Variants in FBXO31 observed in about 807,000 individuals in gnomAD.
The protein encoded by FBXO31 is F-box only protein 31.
FBXO31 carries 24 observed loss-of-function variants against 54.4 expected under a neutral mutation model. That is an observed-to-expected ratio of 0.44 (90% confidence interval 0.32 to 0.62). The LOEUF is 0.62. FBXO31 is among the 20% of genes least tolerant of loss of function. The pLI, the probability that FBXO31 is intolerant of heterozygous loss-of-function variation, is 0.05. For missense variants in FBXO31, 665 were observed against 787.1 expected (o/e 0.84, Z 1.86); for synonymous variants, 388 against 335.6 (o/e 1.16, Z -1.71).
chr16:87,356,300 T>C (rs1905889332), intron 2 of FBXO31, among the ~76,000 whole-genome samples: 1 of 151,514 alleles, frequency 6.6e-6, no homozygotes, highest in African/African-American at 2.4e-5. Flanking sequence ...AAGGAGAGAC[T>C]GTTGTCAACG....
chr16:87,349,535 C>G (rs985556565), intron 2 of FBXO31, among the ~76,000 whole-genome samples: 1 of 152,158 alleles, frequency 6.6e-6, no homozygotes, highest in African/African-American at 2.4e-5. Flanking sequence ...CATGGTGAAA[C>G]CCCGTCTCTA....
rs1905029591 is a variant in FBXO31, at chr16:87,335,779, G to A, written c.843-322C>T. On this transcript the variant is annotated intron_variant, in intron 6 of 8. Transcript: ENST00000311635. This position sits in a 1 kb window ranked among gnomAD's most constrained non-coding sequence, Gnocchi z 5.7. ...GAAAGGAGCCCAAGTCACCATGGAG[G>A]GGATCCCCGCACTGGGCTGAGCGGG... 6.6e-6 allele frequency among the ~76,000 whole-genome samples: 1 copy of A among 152,144 alleles called. No homozygotes were observed. Among genetic ancestry groups the A allele is most frequent in the African/African-American group, 2.4e-5 (1 of 41,428 alleles).
upstream of FBXO31, among the ~76,000 whole-genome samples, chr16:87,384,547 G>C (rs1907258631): frequency 6.6e-6 from 1 of 152,320 alleles, no homozygotes; most frequent in East Asian, 1.9e-4. Flanking sequence ...GGGCTCCGCC[G>C]AGGCCGCTGA....
rs561584088 is a variant in FBXO31, at chr16:87,347,118, C to T, written c.489+56G>A. 4.5e-5 allele frequency: 67 copies of T among 1,495,264 alleles called. 1 individual carries two copies. In the South Asian group the frequency reaches 5.8e-4, roughly 13 times the overall value. The allele number at this position is 1,495,264 out of a possible 1,614,324, so 92.6% of individuals were successfully genotyped here. ...TAGAAGAGGCCCTCAAATTCCTCCA[C>T]GTAAGGCACCACTCCTGCCCGTGCA... On this transcript the variant is annotated intron_variant, in intron 3 of 8. Transcript: ENST00000311635.
chr16:87,369,968 T>C (rs1194514646), intron 1 of FBXO31, among the ~76,000 whole-genome samples: 3 of 152,222 alleles, frequency 2.0e-5, no homozygotes, highest in Admixed American at 6.5e-5. Context: ...AGCTGTGCCC[T>C]TTCATGACTC....
intron 1 of FBXO31, among the ~76,000 whole-genome samples, chr16:87,372,616 A>G (rs1351319023): frequency 6.6e-6 from 1 of 152,080 alleles, no homozygotes; most frequent in East Asian, 1.9e-4. Flanking sequence ...GCTGGAGTGC[A>G]GTGGTAAGAT....
At position 87,363,989 on chromosome 16, in the gene FBXO31, G is replaced by C. The variant is rs529236539; in HGVS notation, c.341-3623C>G. Among the ~76,000 whole-genome samples the C allele has an allele frequency of 3.9e-5, 6 of 152,346 alleles. No individual in the cohort carries two copies. In the South Asian group the frequency reaches 6.2e-4, roughly 16 times the overall value. ...AAATGGGAGGGGGAAGGGGAAAGAC[G>C]CTGATGCAGAGCAAGGACGGGGAGG... On this transcript the variant is annotated intron_variant, in intron 1 of 8. Coordinates refer to ENST00000311635, the MANE Select transcript of FBXO31 (RefSeq NM_024735.5).
At chr16:87,372,252 T>G (rs1056085400) in intron 1 of FBXO31, among the ~76,000 whole-genome samples, 1 of 152,272 alleles carries the variant, frequency 6.6e-6, no homozygotes, top group Non-Finnish European at 1.5e-5. Flanking sequence ...CCATTTTCCT[T>G]TATTCTCCTT....
At chr16:87,384,043 T>C (rs1035827697), upstream of FBXO31, 1 of 180,362 alleles carries the variant, frequency 5.5e-6, no homozygotes. Context: ...AGGCTCGAAC[T>C]CACGACCTTC....
chr16:87,352,115 T>G (rs1905688785), intron 2 of FBXO31, among the ~76,000 whole-genome samples: 1 of 152,182 alleles, frequency 6.6e-6, no homozygotes, highest in African/African-American at 2.4e-5. Flanking sequence ...CTCAGTGCAA[T>G]TTAATCATTC....
chr16:87,343,275 A>C (rs1406133033), intron 4 of FBXO31, among the ~76,000 whole-genome samples: 5 of 152,270 alleles, frequency 3.3e-5, no homozygotes, highest in Admixed American at 3.3e-4. Flanking sequence ...CCACTGCCAG[A>C]CCAGATCAGA....
At chr16:87,366,523 C>T (rs1435699056) in intron 1 of FBXO31, among the ~76,000 whole-genome samples, 2 of 152,102 alleles carry the variant, frequency 1.3e-5, no homozygotes, top group Admixed American at 1.3e-4. Flanking sequence ...CCTGAGCACT[C>T]CAGGTGTGGC....
At chr16:87,357,804 A>G (rs958991457) in intron 2 of FBXO31, among the ~76,000 whole-genome samples, 7 of 152,042 alleles carry the variant, frequency 4.6e-5, no homozygotes, top group African/African-American at 1.4e-4. Context: ...ATGGTGGTGT[A>G]TGCCTGTAAT....
rs765795854 is a variant in FBXO31, at chr16:87,342,839, C to T, written c.732+38G>A. On this transcript the variant is annotated intron_variant, in intron 5 of 8. Coordinates refer to ENST00000311635, the MANE Select transcript of FBXO31 (RefSeq NM_024735.5). ...CTTTCCCCGTGGGGAAAGGAAAGGT[C>T]CGCACCATATGAACACAGGGCCGGC... 52 of 1,559,470 alleles carry T rather than the reference C, an allele frequency of 3.3e-5. 1 individual carries two copies. The Middle Eastern group carries it at 8.2e-4, about 25-fold the overall frequency.
rs1905436190 is a variant in FBXO31 at position 87,347,362 on chromosome 16, G to A, written c.413-112C>T. On this transcript the variant is annotated intron_variant, in intron 2 of 8. Transcript: ENST00000311635. ...ATGAGGACTCACAAAAGGCTTGCAA[G>A]AGCCCTCCAAACACATGCACACCAA... The A allele has an allele frequency of 5.6e-6, 5 of 885,834 alleles. No individual in the cohort carries two copies. The East Asian group carries it at 7.3e-5, about 13-fold the overall frequency. 54.9% of individuals were successfully genotyped at this position (885,834 alleles called of 1,614,324 possible).
Position 87,335,194 on chromosome 16 carries a change from C to CT in FBXO31, c.996+109dup, listed in dbSNP as rs1905006442. 2.0e-6 allele frequency: 3 copies of CT among 1,514,186 alleles called. No individual in the cohort carries two copies. The highest frequency in any genetic ancestry group is 2.7e-6 in the Non-Finnish European group (3 of 1,108,302). The allele number at this position is 1,514,186 out of a possible 1,614,324, so 93.8% of individuals were successfully genotyped here. A position where few individuals can be genotyped will look rare whatever the true frequency, so the allele number is the denominator to read the frequency against. ...CCGGGGCTGCAGGTGCAAGCCCACT[C>CT]TGAGGAGCAAGGGTGCCGGGGATCA... On this transcript the variant is annotated intron_variant, in intron 7 of 8. Transcript: ENST00000311635. The surrounding 1 kb of genome is among the most constrained non-coding windows in gnomAD (Gnocchi z 5.7).
chr16:87,336,378 T>TG lies in FBXO31; in HGVS notation c.733-115dup. The TG allele has an allele frequency of 1.2e-6, 1 of 842,680 alleles. No individual in the cohort carries two copies. The highest frequency in any genetic ancestry group is 1.5e-5 in the South Asian group (1 of 65,878). The allele number at this position is 842,680 out of a possible 1,614,324, so 52.2% of individuals were successfully genotyped here. ...CCTTCTTTGTCAGTGCACAGGCACC[T>TG]GCAGGGCCCTCTTGGTGGGGGAGGA... On this transcript the variant is annotated intron_variant, in intron 5 of 8. Transcript: ENST00000311635. The surrounding 1 kb of genome is among the most constrained non-coding windows in gnomAD (Gnocchi z 6.5).
At chr16:87,348,541 C>A (rs542699535) in intron 2 of FBXO31, among the ~76,000 whole-genome samples, 1 of 152,084 alleles carries the variant, frequency 6.6e-6, no homozygotes, top group African/African-American at 2.4e-5. Context: ...AAGGGGTGAC[C>A]GGGTAGAGAC....
chr16:87,359,242 T>A (rs1906028543), intron 2 of FBXO31, among the ~76,000 whole-genome samples: 1 of 152,212 alleles, frequency 6.6e-6, no homozygotes, highest in African/African-American at 2.4e-5. Context: ...AATCTCCCAA[T>A]GCCCTGTCCT....
Sources: gnomAD v4.1 joint callset for allele counts (sites outside exome capture counted in the v4.1 genomes callset) on GRCh38, gnomAD v4.1.1 for gene constraint, Gnocchi (gnomAD v3.1) non-coding constraint, MANE v1.5 for transcripts, NCBI Gene and HGNC (gene_info 2026-07-23, HGNC 2026-07-21) for gene names.